MDGA2: variants seen among roughly 807,000 people sequenced by gnomAD.
MDGA2 encodes the protein MAM domain containing glycosylphosphatidylinositol anchor 2.
In MDGA2, 40 loss-of-function variants were observed where a neutral mutation model predicts 117.8. The observed-to-expected ratio is 0.34, with a 90% CI of 0.26 to 0.44. The LOEUF is 0.44. MDGA2 is among the 20% of genes least tolerant of loss of function. The pLI, the probability that MDGA2 is intolerant of heterozygous loss-of-function variation, is 1.00. For synonymous variants in MDGA2, 452 were observed against 439.0 expected (o/e 1.03, Z -0.37); for missense variants, 1,123 against 1,250.6 (o/e 0.90, Z 1.54).
At chr14:47,489,314 G>C (rs1019970289) in intron 1 of MDGA2, among the ~76,000 whole-genome samples, 2 of 152,016 alleles carry the variant, frequency 1.3e-5, no homozygotes, top group Non-Finnish European at 2.9e-5. Flanking sequence ...GTTGTATACT[G>C]AATTTATGAT....
At chr14:46,865,831 C>A (rs1289770577) in intron 14 of MDGA2, among the ~76,000 whole-genome samples, 2 of 151,866 alleles carry the variant, frequency 1.3e-5, no homozygotes, top group Admixed American at 6.6e-5. Context: ...ATCCAACTTA[C>A]AAGGGATGTG....
At chr14:47,262,134 A>G (rs1330879122) in intron 2 of MDGA2, among the ~76,000 whole-genome samples, 1 of 152,182 alleles carries the variant, frequency 6.6e-6, no homozygotes, top group Non-Finnish European at 1.5e-5. Context: ...TGACACTCAG[A>G]AATGCAAAAG....
chr14:46,969,785 G>A (rs1278396486), intron 8 of MDGA2, among the ~76,000 whole-genome samples: 1 of 151,618 alleles, frequency 6.6e-6, no homozygotes, highest in Non-Finnish European at 1.5e-5. Context: ...GGCCCGTTGT[G>A]GGGTAGGGGG....
At chr14:46,953,146 T>G (rs1885428528) in intron 9 of MDGA2, among the ~76,000 whole-genome samples, 1 of 151,924 alleles carries the variant, frequency 6.6e-6, no homozygotes, top group Admixed American at 6.6e-5. Context: ...GTTCTCTTTC[T>G]GATGTTTAAT....
intron 8 of MDGA2, among the ~76,000 whole-genome samples, chr14:46,965,405 G>C (rs145836067): frequency 6.6e-6 from 1 of 152,220 alleles, no homozygotes; most frequent in African/African-American, 2.4e-5. Context: ...ATAATGTTGG[G>C]TTAAAATTCT....
At chr14:47,408,477 C>A (rs1196450419) in intron 1 of MDGA2, among the ~76,000 whole-genome samples, 4 of 152,120 alleles carry the variant, frequency 2.6e-5, no homozygotes, top group Non-Finnish European at 5.9e-5. Flanking sequence ...ATAGTTTATG[C>A]CTAAGAAAGA....
At chr14:47,089,194 A>C (rs1295100203) in intron 6 of MDGA2, among the ~76,000 whole-genome samples, 4 of 152,204 alleles carry the variant, frequency 2.6e-5, no homozygotes, top group Admixed American at 2.0e-4. Context: ...GACTATTATC[A>C]GTTCAAATAT....
intron 8 of MDGA2, among the ~76,000 whole-genome samples, chr14:47,025,972 C>A (rs767718947): frequency 6.6e-6 from 1 of 152,026 alleles, no homozygotes; most frequent in Non-Finnish European, 1.5e-5. Flanking sequence ...CTCTAGTAGT[C>A]CCGCAAGTTT....
In MDGA2 at chr14:47,035,107, A is replaced by G; in HGVS notation, c.1723T>C (p.Ser575Pro). 1 of 1,614,132 alleles carries G rather than the reference A, an allele frequency of 6.2e-7. No individual in the cohort carries two copies. The highest frequency in any genetic ancestry group is 8.5e-7 in the Non-Finnish European group (1 of 1,180,022). Residue 575 changes from serine (S) to proline (P), a missense_variant, in exon 8 of 17, where the codon TCT (serine) becomes CCT (proline). This residue lies in a region of MDGA2 where 890 missense variants were observed against 1,050.3 expected (regional missense o/e 0.85). Transcript: ENST00000399232. ...CTGTACATTCCTGACATTTCCCTAG[A>G]TACATTCACAATCCTCAGTGTTCCA... ...YDGTLRIVNV[S>P]REMSGMYRCQ...
At chr14:47,342,829 C>T in intron 1 of MDGA2, 2 of 335,042 alleles carry the variant, frequency 6.0e-6, no homozygotes, top group South Asian at 4.6e-5. Flanking sequence ...CCATGTTGTA[C>T]TTCTATTAAA....
At chr14:47,289,485 T>C (rs1888807531) in intron 2 of MDGA2, among the ~76,000 whole-genome samples, 1 of 151,970 alleles carries the variant, frequency 6.6e-6, no homozygotes. Context: ...TTGTGAAATA[T>C]CTACCATTTG....
At chr14:47,377,313 G>A (rs1043289146) in intron 1 of MDGA2, among the ~76,000 whole-genome samples, 1 of 152,122 alleles carries the variant, frequency 6.6e-6, no homozygotes, top group Non-Finnish European at 1.5e-5. Context: ...GCAGAAGACG[G>A]GTGATTTCTG....
chr14:47,113,343 C>G (rs188892822), intron 5 of MDGA2, among the ~76,000 whole-genome samples: 1 of 151,690 alleles, frequency 6.6e-6, no homozygotes, highest in Admixed American at 6.6e-5. Flanking sequence ...AAAAGGCCCA[C>G]GACCGGATGG....
chr14:46,986,049 T>C (rs1304711012), intron 8 of MDGA2, among the ~76,000 whole-genome samples: 2 of 152,164 alleles, frequency 1.3e-5, no homozygotes, highest in East Asian at 3.9e-4. Context: ...AAAAGTGCCA[T>C]TGTAGTTTGT....
intron 7 of MDGA2, among the ~76,000 whole-genome samples, chr14:47,060,699 G>A (rs1217648695): frequency 6.6e-6 from 1 of 151,820 alleles, no homozygotes; most frequent in Non-Finnish European, 1.5e-5. Context: ...ATATATTTTC[G>A]TACTTAACTA....
intron 2 of MDGA2, among the ~76,000 whole-genome samples, chr14:47,294,203 C>G (rs1888985811): frequency 6.6e-6 from 1 of 150,510 alleles, no homozygotes; most frequent in African/African-American, 2.5e-5. Context: ...TCAAGCAATC[C>G]TCCCACCTCA....
At chr14:47,657,215 C>T (rs1220739927) in intron 1 of MDGA2, among the ~76,000 whole-genome samples, 2 of 152,062 alleles carry the variant, frequency 1.3e-5, no homozygotes, top group Admixed American at 6.6e-5. Context: ...AAATTATTGG[C>T]CCACAGAATC....
intron 1 of MDGA2, among the ~76,000 whole-genome samples, chr14:47,349,039 T>C (rs2138343176): frequency 6.6e-6 from 1 of 152,306 alleles, no homozygotes; most frequent in South Asian, 2.1e-4. Context: ...TATACAGAAT[T>C]TGTGGTGTAG....
chr14:47,256,352 A>C (rs1476577076), intron 2 of MDGA2, among the ~76,000 whole-genome samples: 1 of 152,118 alleles, frequency 6.6e-6, no homozygotes, highest in East Asian at 1.9e-4. Flanking sequence ...TCTTTCCGTC[A>C]CTTTCCTTCC....
Sources: gnomAD v4.1 joint callset for allele counts (sites outside exome capture counted in the v4.1 genomes callset) on GRCh38, gnomAD v4.1.1 for gene constraint, gnomAD v4.1.1 regional missense constraint, MANE v1.5 for transcripts, NCBI Gene and HGNC (gene_info 2026-07-23, HGNC 2026-07-21) for gene names.